The following RFC5 variants were observed in gnomAD, a reference collection of about 807,000 sequenced individuals.
The protein encoded by RFC5 is replication factor C subunit 5.
In RFC5, 26 loss-of-function variants were observed where a neutral mutation model predicts 44.3. The observed-to-expected ratio is 0.59, with a 90% CI of 0.43 to 0.81. RFC5 has a LOEUF of 0.81. Ranked by LOEUF, RFC5 falls within the 40% of genes least tolerant of loss-of-function variation. The pLI is 0.00. For synonymous variants in RFC5, 155 were observed against 155.2 expected (o/e 1.00, Z 0.01); for missense variants, 328 against 418.6 (o/e 0.78, Z 1.89).
At chr12:118,038,274 C>T in the RFC5 span, 272,512 of 1,608,258 alleles carry the variant, frequency 0.17, 23,718 homozygotes, top group Middle Eastern at 0.21. Context: ...AAAGCAATAA[C>T]GCTGGAGACT....
At chr12:118,038,428 C>T in the RFC5 span, 49 of 1,591,964 alleles carry the variant, frequency 3.1e-5, no homozygotes, top group East Asian at 1.3e-4. Context: ...CAGTCCTCAA[C>T]AAAGCAGGAA....
chr12:118,032,471 G>GTTTA (rs1207543653), downstream of RFC5: 1 of 152,114 alleles, frequency 6.6e-6, no homozygotes, highest in African/African-American at 2.4e-5. Context: ...TGTTTTATGT[G>GTTTA]TTTATTTTTT....
At position 118,031,263 on chromosome 12, in the gene RFC5, T is replaced by A; in HGVS notation, c.1008T>A (p.Ile336=). The A allele has an allele frequency of 6.2e-7, 1 of 1,611,714 alleles. No homozygotes were observed. The highest frequency in any genetic ancestry group is 8.5e-7 in the Non-Finnish European group (1 of 1,177,952). Residue 336 remains isoleucine, a synonymous_variant, in exon 11 of 11, where the codon ATT becomes ATA. Transcript: ENST00000454402. Reference sequence around the variant, plus strand: ...CATTTCAAGTCACCAGAGACCTGATTGTTGCAGAGGCCTAGATGCTCTGAG... The same window carrying A: ...CATTTCAAGTCACCAGAGACCTGATAGTTGCAGAGGCCTAGATGCTCTGAG... ...IAAFQVTRDL[I]VAEA
At chr12:118,035,602 T>G, downstream of RFC5, 1 of 367,712 alleles carries the variant, frequency 2.7e-6, no homozygotes. Flanking sequence ...CAGTAGAAAC[T>G]GCAAGTCTTT....
At chr12:118,037,667 T>TAAAAAAAAAAA (rs752087366), downstream of RFC5, among the ~76,000 whole-genome samples, 1 of 123,566 alleles carries the variant, frequency 8.1e-6, no homozygotes. Context: ...AAACTCTGTC[T>TAAAAAAAAAAA]AAAAAAAAAA....
At chr12:118,018,419 A>G (rs540549937) in intron 1 of RFC5, among the ~76,000 whole-genome samples, 1 of 152,054 alleles carries the variant, frequency 6.6e-6, no homozygotes, top group East Asian at 1.9e-4. Context: ...CATGTTTAAC[A>G]GCATTCCTGG....
At chr12:118,025,125 T>A in intron 6 of RFC5, 115 bp downstream of exon 6, 4 of 940,778 alleles carry the variant, frequency 4.3e-6, no homozygotes, top group Non-Finnish European at 6.3e-6. Context: ...GCAGAGTGCC[T>A]AGCACAGGGG....
chr12:118,034,935 G>T, downstream of RFC5: 1 of 1,556,652 alleles, frequency 6.4e-7, no homozygotes, highest in South Asian at 1.1e-5. Flanking sequence ...AAAGCTCCAT[G>T]GTATACTCAG....
chr12:118,035,393 A>T, downstream of RFC5: 2 of 1,448,730 alleles, frequency 1.4e-6, no homozygotes, highest in Non-Finnish European at 1.9e-6. Flanking sequence ...TCATCACCCT[A>T]GGCAGGAAGC....
chr12:118,025,678 T>C (rs529594799), intron 6 of RFC5, 69 bp from the exon 7 acceptor site: 3 of 869,514 alleles, frequency 3.5e-6, no homozygotes, highest in Non-Finnish European at 5.9e-6. Flanking sequence ...TTCCAGGCCA[T>C]CTTGTTCCTT....
intron 6 of RFC5, 161 bp from the exon 7 acceptor site, chr12:118,025,586 C>A (rs2030878460): frequency 3.6e-6 from 2 of 550,148 alleles, no homozygotes; most frequent in Non-Finnish European, 3.3e-6. Flanking sequence ...CCCTAAAAAC[C>A]AGAGTGAATT....
chr12:118,037,592 C>T (rs923478539), downstream of RFC5, among the ~76,000 whole-genome samples: 4 of 150,978 alleles, frequency 2.6e-5, no homozygotes, highest in African/African-American at 4.9e-5. Context: ...CGCTTGAACC[C>T]GGGAAGCGGA....
chr12:118,027,836 G>C (rs2031056768), intron 8 of RFC5, 117 bp from the exon 9 acceptor site: 3 of 679,664 alleles, frequency 4.4e-6, no homozygotes, highest in East Asian at 5.1e-5. Context: ...AAGAGAAACA[G>C]TTGTGTTGGG....
intron 8 of RFC5, among the ~76,000 whole-genome samples, chr12:118,027,683 AAAAG>A (rs5801263): frequency 7.7e-4 from 115 of 149,252 alleles, no homozygotes; most frequent in African/African-American, 2.1e-3. Context: ...AAAAAAAAAA[AAAAG>A]AAAGAAAGAA....
intron 8 of RFC5, chr12:118,027,298 G>A: frequency 2.6e-6 from 1 of 380,224 alleles, no homozygotes; most frequent in Non-Finnish European, 4.8e-6. Flanking sequence ...GAAGATGCAG[G>A]AATTTTCAAG....
chr12:118,023,079 C>T (rs200207290), intron 5 of RFC5, among the ~76,000 whole-genome samples: 2 of 151,682 alleles, frequency 1.3e-5, no homozygotes, highest in Non-Finnish European at 2.9e-5. Flanking sequence ...TCAGATAGTC[C>T]TTCTGCTAAT....
chr12:118,038,921 T>A, the RFC5 span, among the ~76,000 whole-genome samples: 1 of 152,140 alleles, frequency 6.6e-6, no homozygotes, highest in Non-Finnish European at 1.5e-5. Context: ...CCTCAGGTGC[T>A]GATCACTTTT....
At position 118,024,116 on chromosome 12, in the gene RFC5, C is replaced by T. The variant is rs192515076; in HGVS notation, c.422-735C>T. 1.2e-3 allele frequency among the ~76,000 whole-genome samples: 183 copies of T among 151,906 alleles called. 1 individual carries two copies. In the Middle Eastern group the frequency reaches 0.014, roughly 11 times the overall value. On this transcript the variant is annotated intron_variant, in intron 5 of 10. Transcript: ENST00000454402. ...CTGTAATCCCAAAGGCCAAGGCGGGCGAATCATGAGGTCAGGAGATCGAGA... is the reference window on the plus strand; with the variant it reads ...CTGTAATCCCAAAGGCCAAGGCGGGTGAATCATGAGGTCAGGAGATCGAGA...
rs1787840673 is a variant in RFC5, at chr12:118,024,994, G to A, written c.565G>A (p.Val189Ile). 1.2e-6 allele frequency: 2 copies of A among 1,613,520 alleles called. No homozygotes were observed. Residue 189 changes from valine to isoleucine, a missense_variant, in exon 6 of 11, where the codon GTC (valine) becomes ATC (isoleucine). Val to Ile is a conservative substitution (Grantham distance 29). Transcript: ENST00000454402. Reference sequence around the variant, plus strand: ...ACTCATGGTTCCCCGCCTGGAACATGTCGTGGAAGAAGAGAAGTGAGTATT... The same window carrying A: ...ACTCATGGTTCCCCGCCTGGAACATATCGTGGAAGAAGAGAAGTGAGTATT... ...PELMVPRLEH[V>I]VEEEKVDISE...
Sources: gnomAD v4.1 joint callset for allele counts (sites outside exome capture counted in the v4.1 genomes callset) on GRCh38, gnomAD v4.1.1 for gene constraint, MANE v1.5 for transcripts, NCBI Gene and HGNC (gene_info 2026-07-23, HGNC 2026-07-21) for gene names.